Variants in GAB4 observed in about 807,000 individuals in gnomAD.
GAB4 encodes the protein GRB2-associated-binding protein 4.
Under a neutral mutation model 51.3 loss-of-function variants are expected in GAB4, and 26 were observed. That is an observed-to-expected ratio of 0.51 (90% CI 0.37 to 0.70). GAB4 has a LOEUF of 0.70. Ranked by LOEUF, GAB4 falls within the 30% of genes least tolerant of loss-of-function variation. The pLI, the probability that GAB4 is intolerant of heterozygous loss-of-function variation, is 0.00. For missense variants in GAB4, 759 were observed against 734.6 expected, an observed-to-expected ratio of 1.03 and a Z score of -0.38; for synonymous variants, 329 against 291.2, an observed-to-expected ratio of 1.13 and a Z score of -1.32.
At chr22:17,006,615 A>G (rs1459907329) in intron 1 of GAB4, among the ~76,000 whole-genome samples, 1 of 152,204 alleles carries the variant, frequency 6.6e-6, no homozygotes, top group Non-Finnish European at 1.5e-5. Context: ...CCAAATGCCC[A>G]TCAATAATAG....
At position 16,966,194 on chromosome 22, in the gene GAB4, G is replaced by A. The variant is rs747751392; in HGVS notation, c.1194C>T (p.Ser398=). 3 of 1,614,084 alleles carry A rather than the reference G, an allele frequency of 1.9e-6. No individual in the cohort carries two copies. In the East Asian group the frequency reaches 6.7e-5, roughly 36 times the overall value. ...SCLVRFDLLG[S]PLTELSMHQD... ...GGTGCATAGAAAGCTCTGTGAGTGG[G>A]GAGCCAAGCAGGTCAAAGCGAACAA... Residue 398 remains serine, a synonymous_variant, in exon 6 of 10, where the codon TCC becomes TCT. Transcript: ENST00000400588.
In GAB4 at chr22:16,969,948, T is replaced by C. The variant is rs762452630; in HGVS notation, c.932A>G (p.Asn311Ser). 3 of 1,614,026 alleles carry C rather than the reference T, an allele frequency of 1.9e-6. No homozygotes were observed. Among genetic ancestry groups the C allele is most frequent in the South Asian group, 1.1e-5 (1 of 91,082 alleles). Residue 311 changes from asparagine to serine, a missense_variant, in exon 4 of 10, where the codon AAT (asparagine) becomes AGT (serine). Transcript: ENST00000400588. Reference sequence around the variant, plus strand: ...TGCCTTGAAGGGGTACACACCCTCATTATCCGCCTCAGAGCCTGTGAGGCT... The same window carrying C: ...TGCCTTGAAGGGGTACACACCCTCACTATCCGCCTCAGAGCCTGTGAGGCT... Reference protein sequence around the residue: ...RGSLTGSEADNEASSGKYTQH... With the variant: ...RGSLTGSEADSEASSGKYTQH...
chr22:16,967,684 T>C (rs2060691582), intron 5 of GAB4, among the ~76,000 whole-genome samples: 1 of 152,202 alleles, frequency 6.6e-6, no homozygotes. Context: ...TTCCTCCAGC[T>C]CCTGCCTCAT....
chr22:16,997,665 T>C (rs1253601501), intron 1 of GAB4, among the ~76,000 whole-genome samples: 1 of 152,228 alleles, frequency 6.6e-6, no homozygotes, highest in Non-Finnish European at 1.5e-5. Context: ...TTTGGCTATT[T>C]TGGCTTTTGT....
chr22:16,966,101 C>T lies in GAB4; in HGVS notation c.1287G>A (p.Lys429=), dbSNP rs4819925. 0.75 allele frequency: 1,213,908 copies of T among 1,613,132 alleles called. 459,401 individuals are homozygous for T. The highest frequency in any genetic ancestry group is 0.95 in the African/African-American group (71,142 of 75,026). Residue 429 remains lysine (K), a splice_region_variant and synonymous_variant, in exon 6 of 10, where the codon AAG becomes AAA. Coordinates refer to ENST00000400588, the MANE Select transcript of GAB4 (RefSeq NM_001037814.1). ...GAAATAGAATGGGGAAAGACTTACC[C>T]TTCTGGTTAGGCTTGAGGCTGCGGT... ...PVNRSLKPNQ[K]ANPTPPNLRN...
intron 3 of GAB4, among the ~76,000 whole-genome samples, chr22:16,974,647 C>T (rs2060761520): frequency 6.6e-6 from 1 of 152,200 alleles, no homozygotes; most frequent in African/African-American, 2.4e-5. Flanking sequence ...GGTTTTGTAG[C>T]CACTTCCTTT....
intron 2 of GAB4, 108 bp from the exon 3 acceptor site, chr22:16,988,275 A>C: frequency 3.9e-6 from 3 of 761,358 alleles, no homozygotes; most frequent in Non-Finnish European, 6.9e-6. Flanking sequence ...TCTTCCTCTC[A>C]CATGCCTGCC....
intron 3 of GAB4, 107 bp downstream of exon 3, chr22:16,987,853 G>A: frequency 1.2e-6 from 1 of 822,748 alleles, no homozygotes; most frequent in Non-Finnish European, 1.9e-6. Context: ...TACCTGGAAA[G>A]ATATAATATT....
At chr22:16,995,508 C>T (rs2060943704) in intron 1 of GAB4, among the ~76,000 whole-genome samples, 1 of 152,214 alleles carries the variant, frequency 6.6e-6, no homozygotes, top group Admixed American at 6.5e-5. Flanking sequence ...CCCTGTCCCT[C>T]CTGACTAGGA....
intron 5 of GAB4, among the ~76,000 whole-genome samples, chr22:16,967,853 T>C (rs561487265): frequency 1.4e-4 from 21 of 152,290 alleles, no homozygotes; most frequent in Non-Finnish European, 2.6e-4. Flanking sequence ...TGCCCTTGCC[T>C]TGAGGCTCAC....
At position 16,979,425 on chromosome 22, in the gene GAB4, C is replaced by G. The variant is rs532231044; in HGVS notation, c.686+8535G>C. Reference sequence around the variant, plus strand: ...AGTGAACTCCCAATCACAATTGCTTCAAAGAGAATAAAATGCCTAGGAATA... The same window carrying G: ...AGTGAACTCCCAATCACAATTGCTTGAAAGAGAATAAAATGCCTAGGAATA... On this transcript the variant is annotated intron_variant, in intron 3 of 9. Transcript: ENST00000400588. 2.0e-5 allele frequency among the ~76,000 whole-genome samples: 3 copies of G among 152,192 alleles called. No homozygotes were observed. In the South Asian group the frequency reaches 6.2e-4, roughly 32 times the overall value.
chr22:16,971,103 A>C lies in GAB4; in HGVS notation c.687-910T>G, dbSNP rs138519158. On this transcript the variant is annotated intron_variant, in intron 3 of 9. Coordinates refer to ENST00000400588, the MANE Select transcript of GAB4 (RefSeq NM_001037814.1). ...TACTTGGTTGGGAGGCTGAGGTGGGAGTATGGCTTGAGCCCAGGAGGCCGA... is the reference window on the plus strand; with the variant it reads ...TACTTGGTTGGGAGGCTGAGGTGGGCGTATGGCTTGAGCCCAGGAGGCCGA... Among the ~76,000 whole-genome samples the C allele has an allele frequency of 7.7e-3, 1,170 of 151,978 alleles. 18 individuals carry two copies. Among genetic ancestry groups the C allele is most frequent in the African/African-American group, 0.027 (1,127 of 41,440 alleles).
Position 16,962,800 on chromosome 22 carries a change from T to C in GAB4, c.1658A>G (p.Gln553Arg). The change falls in exon 10 of 10, where the codon CAG becomes CGG. Residue 553 changes from glutamine (Q) to arginine (R), a missense_variant. By Grantham distance (43) the Gln-to-Arg change is conservative. This residue lies in a region of GAB4 where 588 missense variants were observed against 510.2 expected (regional missense o/e 1.15). Transcript: ENST00000400588. Reference protein sequence around the residue: ...QVDLEKTQALQKTMHEQMCLR... With the variant: ...QVDLEKTQALRKTMHEQMCLR... ...GCACATCTGTTCATGCATGGTCTTCTGCAGGGCCTGGGTCTTCTCCAGATC... is the reference window on the plus strand; with the variant it reads ...GCACATCTGTTCATGCATGGTCTTCCGCAGGGCCTGGGTCTTCTCCAGATC... The C allele has an allele frequency of 6.2e-7, 1 of 1,613,776 alleles. No homozygotes were observed. Among genetic ancestry groups the C allele is most frequent in the Non-Finnish European group, 8.5e-7 (1 of 1,179,960 alleles).
chr22:16,991,810 T>C, intron 2 of GAB4, 63 bp downstream of exon 2: 2 of 1,363,734 alleles, frequency 1.5e-6, no homozygotes, highest in African/African-American at 1.4e-5. Context: ...CTGCCCTCCT[T>C]GCTGGAGATT....
rs1350089207 is a variant in GAB4, at chr22:16,989,273, T to C, written c.479-1106A>G. On this transcript the variant is annotated intron_variant, in intron 2 of 9. Coordinates refer to ENST00000400588, the MANE Select transcript of GAB4 (RefSeq NM_001037814.1). ...ATGATGTGATCGCTAAGTGGGGTTA[T>C]GTTTGGGTGGTGTTGATGGTGGCTT... Among the ~76,000 whole-genome samples the C allele has an allele frequency of 2.2e-4, 34 of 152,222 alleles. 1 individual carries two copies. Among genetic ancestry groups the C allele is most frequent in the Non-Finnish European group, 1.5e-5 (1 of 68,050 alleles).
At chr22:17,000,491 G>A (rs138469925) in intron 1 of GAB4, among the ~76,000 whole-genome samples, 88 of 151,882 alleles carry the variant, frequency 5.8e-4, no homozygotes, top group Non-Finnish European at 1.0e-3. Flanking sequence ...TATTTGCTTC[G>A]TAGATCTTCC....
intron 4 of GAB4, chr22:16,969,499 C>T (rs778952267): frequency 4.2e-6 from 2 of 472,320 alleles, no homozygotes; most frequent in African/African-American, 2.0e-5. Flanking sequence ...CTATCAGTGA[C>T]CTGAGTGGCT....
chr22:16,969,607 A>G (rs1461249945), intron 4 of GAB4: 11 of 599,202 alleles, frequency 1.8e-5, no homozygotes, highest in Admixed American at 1.2e-4. Flanking sequence ...GAGGGCTCAT[A>G]CTGACCTTGG....
chr22:16,966,197 G>C lies in GAB4; in HGVS notation c.1191C>G (p.Gly397=). Residue 397 remains glycine, a synonymous_variant, in exon 6 of 10, where the codon GGC becomes GGG. Coordinates refer to ENST00000400588, the MANE Select transcript of GAB4 (RefSeq NM_001037814.1). The part of the protein sequence containing the change: ...GSCLVRFDLL[G]SPLTELSMHQ... Reference sequence around the variant, plus strand: ...GCATAGAAAGCTCTGTGAGTGGGGAGCCAAGCAGGTCAAAGCGAACAAGAC... The same window carrying C: ...GCATAGAAAGCTCTGTGAGTGGGGACCCAAGCAGGTCAAAGCGAACAAGAC... The C allele has an allele frequency of 6.2e-7, 1 of 1,614,088 alleles. No individual in the cohort carries two copies. The highest frequency in any genetic ancestry group is 8.5e-7 in the Non-Finnish European group (1 of 1,179,998).
Sources: gnomAD v4.1 joint callset for allele counts (sites outside exome capture counted in the v4.1 genomes callset) on GRCh38, gnomAD v4.1.1 for gene constraint, gnomAD v4.1.1 regional missense constraint, MANE v1.5 for transcripts, NCBI Gene and HGNC (gene_info 2026-07-23, HGNC 2026-07-21) for gene names.